TM2D2: variants seen among roughly 807,000 people sequenced by gnomAD.
TM2D2 encodes TM2 domain containing 2.
In TM2D2, 19 loss-of-function variants were observed where a neutral mutation model predicts 23.0. That is an observed-to-expected ratio of 0.82 (90% CI 0.58 to 1.21). TM2D2 has a LOEUF of 1.21. TM2D2 is among the 50% of genes most tolerant of loss of function. The pLI, the probability that TM2D2 is intolerant of heterozygous loss-of-function variation, is 0.00. For synonymous variants in TM2D2, 120 were observed against 108.8 expected (o/e 1.10, Z -0.64); for missense variants, 246 against 265.4 (o/e 0.93, Z 0.51).
rs1293354463 is a variant in TM2D2, at chr8:38,995,333, A to G, written c.300T>C (p.Gly100=). 1 of 1,598,982 alleles carries G rather than the reference A, an allele frequency of 6.3e-7. No individual in the cohort carries two copies. Among genetic ancestry groups the G allele is most frequent in the Admixed American group, 1.8e-5 (1 of 56,334 alleles). The change falls in exon 2 of 4, where the codon GGT becomes GGC. Residue 100 remains glycine (G), a synonymous_variant. Coordinates refer to ENST00000456397, the MANE Select transcript of TM2D2 (RefSeq NM_078473.3). ...VGNATASQEL[G]YGCLKFGGQA... ...AAAAACTCACCTTGAGACAACCATA[A>G]CCAAGTTCCTGGGATGCAGTTGCAT... is the stretch of plus-strand genomic sequence containing the variant.
rs1835596539 is a variant in TM2D2 at position 38,991,455 on chromosome 8, G to T, written c.522C>A (p.Gly174=). 1 of 1,613,716 alleles carries T rather than the reference G, an allele frequency of 6.2e-7. No homozygotes were observed. The stretch of plus-strand genomic sequence containing the variant: ...GCGTCAACAGCTTCCCTACTGCAGT[G>T]CCAGTGTGTCCCAAACAGAATCGAT... ...GVDRFCLGHT[G]TAVGKLLTLG... Residue 174 remains glycine, a synonymous_variant, in exon 4 of 4, where the codon GGC becomes GGA. Coordinates refer to ENST00000456397, the MANE Select transcript of TM2D2 (RefSeq NM_078473.3).
intron 3 of TM2D2, among the ~76,000 whole-genome samples, chr8:38,991,973 G>A (rs1296129597): frequency 6.6e-6 from 1 of 152,144 alleles, no homozygotes; most frequent in Admixed American, 6.5e-5. Context: ...GACCTGAGAA[G>A]ACTAAGGCAG....
At position 38,990,396 on chromosome 8, in the gene TM2D2, A is replaced by T. The variant is rs1835567873; in HGVS notation, c.*936T>A. On this transcript the variant is annotated 3_prime_UTR_variant, in exon 4 of 4. Coordinates refer to ENST00000456397, the MANE Select transcript of TM2D2 (RefSeq NM_078473.3). ...GCAAACGATGAGAACTGAGTTTTTA[A>T]AACCACTTACAATCTGGAACATTTC... is the stretch of plus-strand genomic sequence containing the variant. 1 of 152,224 alleles carries T rather than the reference A, an allele frequency of 6.6e-6. No homozygotes were observed. Among genetic ancestry groups the T allele is most frequent in the African/African-American group, 2.4e-5 (1 of 41,456 alleles). 9.4% of individuals were successfully genotyped at this position (152,224 alleles called of 1,614,324 possible).
chr8:38,992,671 C>A (rs1835638883), intron 3 of TM2D2, among the ~76,000 whole-genome samples: 5 of 152,164 alleles, frequency 3.3e-5, no homozygotes, highest in Admixed American at 3.3e-4. Context: ...CACATTTGCA[C>A]AACAGGCACC....
rs753956391 is a variant in TM2D2 at position 38,993,525 on chromosome 8, C to T, written c.431+20G>A. On this transcript the variant is annotated intron_variant, in intron 3 of 3. Coordinates refer to ENST00000456397, the MANE Select transcript of TM2D2 (RefSeq NM_078473.3). ...TACCTCCAACCAAGTACCAACTACT[C>T]CAATCAAAGTAACACTTACTTTATA... The T allele has an allele frequency of 8.9e-6, 14 of 1,565,176 alleles. No homozygotes were observed. The highest frequency in any genetic ancestry group is 1.1e-5 in the Non-Finnish European group (13 of 1,137,760).
intron 3 of TM2D2, among the ~76,000 whole-genome samples, chr8:38,992,621 C>T (rs1286805641): frequency 1.3e-5 from 2 of 152,156 alleles, no homozygotes; most frequent in African/African-American, 2.4e-5. Context: ...AGAACAAATA[C>T]TGACTTTTGC....
At chr8:38,995,627 G>T in intron 1 of TM2D2, 1 of 1,432,970 alleles carries the variant, frequency 7.0e-7, no homozygotes, top group Non-Finnish European at 9.1e-7. Flanking sequence ...GGTGTTTCTG[G>T]TCCTGTTTCT....
intron 2 of TM2D2, 36 bp downstream of exon 2, chr8:38,995,282 C>T (rs759514309): frequency 4.2e-6 from 6 of 1,423,126 alleles, no homozygotes; most frequent in South Asian, 1.3e-5. Context: ...ATTTCGTTAT[C>T]GAAGGGTTTG....
intron 1 of TM2D2, 95 bp from the exon 2 acceptor site, chr8:38,995,500 T>A (rs1835741362): frequency 6.3e-7 from 1 of 1,581,628 alleles, no homozygotes; most frequent in African/African-American, 1.4e-5. Flanking sequence ...AGACATTTCT[T>A]CATCAAGTTT....
At chr8:38,996,122 T>G in intron 1 of TM2D2, 91 bp downstream of exon 1, 1 of 1,426,038 alleles carries the variant, frequency 7.0e-7, no homozygotes. Flanking sequence ...TCTGAAAAAA[T>G]GCAGCGTCCC....
intron 3 of TM2D2, among the ~76,000 whole-genome samples, chr8:38,991,917 A>G (rs1190191625): frequency 1.3e-5 from 2 of 152,192 alleles, no homozygotes; most frequent in African/African-American, 4.8e-5. Flanking sequence ...GAATAACCTC[A>G]GCAGGCTCTA....
In TM2D2 at chr8:38,994,814, G is replaced by T. The variant is rs376625641; in HGVS notation, c.315+504C>A. On this transcript the variant is annotated intron_variant, in intron 2 of 3. Coordinates refer to ENST00000456397, the MANE Select transcript of TM2D2 (RefSeq NM_078473.3). ...CACTGTTAACCAATGGCTTCCGCTG[G>T]AACGCTTTAATGTCCTACAAAGACA... 2.6e-5 allele frequency among the ~76,000 whole-genome samples: 4 copies of T among 152,094 alleles called. No homozygotes were observed. In the East Asian group the frequency reaches 5.8e-4, roughly 22 times the overall value.
At chr8:38,995,001 C>G in intron 2 of TM2D2, 1 of 244,052 alleles carries the variant, frequency 4.1e-6, no homozygotes, top group South Asian at 8.6e-5. Context: ...CTTCCTTTTG[C>G]TCTTTCAGGA....
chr8:38,991,627 A>G, intron 3 of TM2D2, 82 bp from the exon 4 acceptor site: 1 of 1,071,412 alleles, frequency 9.3e-7, no homozygotes, highest in East Asian at 2.5e-5. Context: ...AACGTAAGTG[A>G]TGAGACAGTG....
chr8:38,991,905 T>C (rs1048541484), intron 3 of TM2D2, among the ~76,000 whole-genome samples: 1 of 152,094 alleles, frequency 6.6e-6, no homozygotes, highest in African/African-American at 2.4e-5. Flanking sequence ...ACTGGCTAGT[T>C]TGAATAACCT....
Position 38,993,640 on chromosome 8 carries a change from G to A in TM2D2, c.336C>T (p.Ser112=), listed in dbSNP as rs776675075. ...ACTGGACTGAAGTGTGTTCCACGTC[G>A]CTGTAGGCCTGACCGCCGAACTGTG... is the stretch of plus-strand genomic sequence containing the variant. ...GCLKFGGQAY[S]DVEHTSVQCH... Residue 112 remains serine, a synonymous_variant, in exon 3 of 4, where the codon AGC becomes AGT. Coordinates refer to ENST00000456397, the MANE Select transcript of TM2D2 (RefSeq NM_078473.3). 8.7e-6 allele frequency: 14 copies of A among 1,613,478 alleles called. No homozygotes were observed. In the Middle Eastern group the frequency reaches 5.0e-4, roughly 57 times the overall value.
At chr8:38,992,879 C>T (rs747784237) in intron 3 of TM2D2, among the ~76,000 whole-genome samples, 6 of 152,232 alleles carry the variant, frequency 3.9e-5, no homozygotes, top group Non-Finnish European at 7.3e-5. Flanking sequence ...ATCCACTGTG[C>T]TGACACAGCT....
intron 3 of TM2D2, 100 bp from the exon 4 acceptor site, chr8:38,991,645 C>A (rs914034065): frequency 2.4e-5 from 21 of 875,068 alleles, no homozygotes; most frequent in Non-Finnish European, 3.7e-5. Flanking sequence ...GTGCAGTGGA[C>A]CCTCTGTGGC....
chr8:38,996,637 C>T, upstream of TM2D2: 12 of 1,433,384 alleles, frequency 8.4e-6, no homozygotes, highest in Non-Finnish European at 1.1e-5. Flanking sequence ...GGCGGGGCTA[C>T]TCCGCCCTCT....
Sources: allele counts gnomAD v4.1 joint callset (sites outside exome capture counted in the v4.1 genomes callset), GRCh38; gene constraint gnomAD v4.1.1; transcripts MANE v1.5; gene names NCBI Gene and HGNC (gene_info 2026-07-23, HGNC 2026-07-21).